The following SPATA6 variants were observed in gnomAD, a reference collection of about 807,000 sequenced individuals.
SPATA6 encodes spermatogenesis associated 6, also known as spermatogenesis-associated protein 6.
SPATA6 carries 56 observed loss-of-function variants against 65.3 expected under a neutral mutation model. The observed-to-expected ratio is 0.86, with a 90% CI of 0.69 to 1.07. SPATA6 has a LOEUF of 1.07. Ranked by LOEUF, SPATA6 falls within the 50% of genes least tolerant of loss-of-function variation. The pLI is 0.00. For synonymous variants in SPATA6, 199 were observed against 213.2 expected (o/e 0.93, Z 0.58); for missense variants, 590 against 594.8 (o/e 0.99, Z 0.08).
rs1484463687 is a variant in SPATA6, at chr1:48,314,491, A to G, written c.1195-8613T>C. ...AGAAATAAAGATGTTCTTTGAAACCAATAAGAACAAAGACACAACATACCA... is the reference window on the plus strand; with the variant it reads ...AGAAATAAAGATGTTCTTTGAAACCGATAAGAACAAAGACACAACATACCA... On this transcript the variant is annotated intron_variant, in intron 11 of 12. Transcript: ENST00000371847. Among the ~76,000 whole-genome samples the G allele has an allele frequency of 1.4e-4, 22 of 152,316 alleles. No homozygotes were observed. In the East Asian group the frequency reaches 4.2e-3, roughly 29 times the overall value.
intron 9 of SPATA6, among the ~76,000 whole-genome samples, chr1:48,368,327 T>G (rs1342168210): frequency 2.6e-5 from 4 of 152,202 alleles, no homozygotes; most frequent in African/African-American, 9.6e-5. Context: ...ATTTCCTGAA[T>G]CTGAATGTTG....
chr1:48,277,626 G>T, the SPATA6 span, among the ~76,000 whole-genome samples: 1 of 152,254 alleles, frequency 6.6e-6, no homozygotes, highest in Non-Finnish European at 1.5e-5. Context: ...CAGGCTGGGG[G>T]AGGGGCACCC....
chr1:48,413,185 C>A, intron 3 of SPATA6, 34 bp from the exon 4 acceptor site: 1 of 1,276,190 alleles, frequency 7.8e-7, no homozygotes, highest in Non-Finnish European at 1.0e-6. Flanking sequence ...CTTAAATAAA[C>A]AAATTAATAA....
chr1:48,455,753 T>C (rs1015946373), intron 1 of SPATA6, among the ~76,000 whole-genome samples: 4 of 152,162 alleles, frequency 2.6e-5, no homozygotes, highest in African/African-American at 9.7e-5. Flanking sequence ...TTGAGGCTCT[T>C]ATATTTTTTC....
At chr1:48,407,890 C>A (rs996712830) in intron 5 of SPATA6, among the ~76,000 whole-genome samples, 11 of 152,128 alleles carry the variant, frequency 7.2e-5, no homozygotes, top group Admixed American at 6.5e-5. Flanking sequence ...GTTCCATACT[C>A]TTGAGTTTAT....
the SPATA6 span, among the ~76,000 whole-genome samples, chr1:48,269,140 CTA>C: frequency 6.6e-6 from 1 of 152,076 alleles, no homozygotes; most frequent in African/African-American, 2.4e-5. Flanking sequence ...TAATTTGGTC[CTA>C]TGTCTTAAAA....
At chr1:48,463,998 TA>T (rs150989406) in intron 1 of SPATA6, among the ~76,000 whole-genome samples, 6 of 150,780 alleles carry the variant, frequency 4.0e-5, no homozygotes, top group South Asian at 2.1e-4. Flanking sequence ...TTCACTGGAT[TA>T]AAAAAAAACA....
intron 11 of SPATA6, among the ~76,000 whole-genome samples, chr1:48,322,094 CA>C (rs567269297): frequency 4.1e-4 from 62 of 152,048 alleles, no homozygotes; most frequent in African/African-American, 1.5e-3. Context: ...CAAAATTCTT[CA>C]AATGAACAAC....
In SPATA6 at chr1:48,309,071, C is replaced by T. The variant is rs952752794; in HGVS notation, c.1195-3193G>A. 4.6e-5 allele frequency among the ~76,000 whole-genome samples: 7 copies of T among 151,980 alleles called. No homozygotes were observed. The South Asian group carries it at 6.2e-4, about 13-fold the overall frequency. On this transcript the variant is annotated intron_variant, in intron 11 of 12. Transcript: ENST00000371847. ...AGGCTTATCTTTGGCTTCAGACTTA[C>T]GGTTTATAATGAGTCTCAAGTGTGG...
intron 5 of SPATA6, among the ~76,000 whole-genome samples, chr1:48,409,388 C>T (rs1652004070): frequency 6.6e-6 from 1 of 152,242 alleles, no homozygotes; most frequent in Admixed American, 6.5e-5. Context: ...TATAGCCTCC[C>T]TAATGGCTGC....
At chr1:48,351,217 A>C (rs1488042010) in intron 11 of SPATA6, among the ~76,000 whole-genome samples, 1 of 151,948 alleles carries the variant, frequency 6.6e-6, no homozygotes, top group Non-Finnish European at 1.5e-5. Context: ...TGCTCAACTC[A>C]CTATTTCTAT....
At chr1:48,279,700 CAA>C in the SPATA6 span, among the ~76,000 whole-genome samples, 2 of 152,176 alleles carry the variant, frequency 1.3e-5, no homozygotes, top group African/African-American at 4.8e-5. Flanking sequence ...GAGTGACCTA[CAA>C]AGAGACTTAG....
chr1:48,472,002 T>A lies in SPATA6; in HGVS notation c.7A>T (p.Lys3Ter). Reference sequence around the variant, plus strand: ...AGGGCGCACTGCAGCGCCTTCACCTTCGGCATCCGTGCGGGGAGGGGCGGC... The same window carrying A: ...AGGGCGCACTGCAGCGCCTTCACCTACGGCATCCGTGCGGGGAGGGGCGGC... MP[K>*]VKALQCALAL... Residue 3 changes from lysine (K) to a stop codon, truncating the protein, a stop_gained, in exon 1 of 13, where the codon AAG becomes TAG. Transcript: ENST00000371847. LOFTEE classifies it high-confidence loss of function. 1 of 1,570,668 alleles carries A rather than the reference T, an allele frequency of 6.4e-7. No homozygotes were observed. Among genetic ancestry groups the A allele is most frequent in the Non-Finnish European group, 8.6e-7 (1 of 1,161,760 alleles).
At chr1:48,455,694 T>C (rs1226604672) in intron 1 of SPATA6, among the ~76,000 whole-genome samples, 1 of 152,210 alleles carries the variant, frequency 6.6e-6, no homozygotes, top group Admixed American at 6.5e-5. Context: ...ACTTTAACTT[T>C]TTTAAATGTA....
intron 11 of SPATA6, among the ~76,000 whole-genome samples, chr1:48,311,480 A>G (rs1645206083): frequency 6.6e-6 from 1 of 152,200 alleles, no homozygotes; most frequent in South Asian, 2.1e-4. Context: ...TACTAGAAAG[A>G]TAAAAACTAT....
intron 1 of SPATA6, among the ~76,000 whole-genome samples, chr1:48,461,888 T>C (rs564978878): frequency 3.3e-4 from 51 of 152,328 alleles, no homozygotes; most frequent in African/African-American, 1.2e-3. Context: ...TAAAGACACA[T>C]GCACACGTAT....
At chr1:48,414,206 T>C (rs1302882079) in intron 3 of SPATA6, among the ~76,000 whole-genome samples, 1 of 152,222 alleles carries the variant, frequency 6.6e-6, no homozygotes, top group Non-Finnish European at 1.5e-5. Flanking sequence ...TCTCAAGTTT[T>C]TGTTAAGTTT....
At position 48,472,087 on chromosome 1, in the gene SPATA6, C is replaced by T; in HGVS notation, c.-79G>A. The T allele has an allele frequency of 1.3e-6, 1 of 796,866 alleles. No homozygotes were observed. The highest frequency in any genetic ancestry group is 1.8e-6 in the Non-Finnish European group (1 of 560,512). 49.4% of individuals were successfully genotyped at this position (796,866 alleles called of 1,614,324 possible). A position where few individuals can be genotyped will look rare whatever the true frequency, so the allele number is the denominator to read the frequency against. ...GGGGAGACCTGGGGCTGGGCGGGGA[C>T]GGGGAGGAGACGAGGTGGCGGCGGC... On this transcript the variant is annotated 5_prime_UTR_variant, in exon 1 of 13. Transcript: ENST00000371847.
chr1:48,382,629 ACCCC>A (rs1158594255), intron 9 of SPATA6, among the ~76,000 whole-genome samples: 3 of 5,148 alleles, frequency 5.8e-4, no homozygotes, highest in African/African-American at 1.7e-3. Flanking sequence ...CGGCTGGCCG[ACCCC>A]CCCCCCCCCG....
Sources: gnomAD v4.1 joint callset for allele counts (sites outside exome capture counted in the v4.1 genomes callset) on GRCh38, gnomAD v4.1.1 for gene constraint, MANE v1.5 for transcripts, NCBI Gene and HGNC (gene_info 2026-07-23, HGNC 2026-07-21) for gene names.